The following TSPAN18 variants were observed in gnomAD, a reference collection of about 807,000 sequenced individuals.
The protein encoded by TSPAN18 is tetraspanin 18.
A neutral mutation model predicts 27.3 loss-of-function variants in TSPAN18; 14 were observed. The observed-to-expected ratio is 0.51, with a 90% CI of 0.34 to 0.80. The LOEUF (loss-of-function observed/expected upper bound fraction) is 0.80, where lower values mean the gene tolerates loss of function less well. Ranked by LOEUF, TSPAN18 falls within the 30% of genes least tolerant of loss-of-function variation. The pLI is 0.01. For missense variants in TSPAN18, 268 were observed against 323.9 expected, an observed-to-expected ratio of 0.83 and a Z score of 1.32; for synonymous variants, 143 against 136.5, an observed-to-expected ratio of 1.05 and a Z score of -0.33.
chr11:44,909,234 G>C lies in TSPAN18; in HGVS notation c.64-471G>C, dbSNP rs375974698. Among the ~76,000 whole-genome samples the C allele has an allele frequency of 1.6e-4, 25 of 152,300 alleles. No individual in the cohort carries two copies. In the East Asian group the frequency reaches 4.6e-3, roughly 28 times the overall value. On this transcript the variant is annotated intron_variant, in intron 4 of 9. Coordinates refer to ENST00000520358, the MANE Select transcript of TSPAN18 (RefSeq NM_130783.5). ...AAACACAGCATAGGGCTGACTCAGA[G>C]CATGTTCATGGACCTTTGTTTAGGG...
At chr11:44,762,294 C>G (rs1380604572) in intron 1 of TSPAN18, among the ~76,000 whole-genome samples, 1 of 152,180 alleles carries the variant, frequency 6.6e-6, no homozygotes, top group Admixed American at 6.5e-5. Context: ...GGATACTGTG[C>G]AGCTATGAAA....
chr11:44,790,363 G>A (rs1288050573), intron 2 of TSPAN18, among the ~76,000 whole-genome samples: 21 of 149,606 alleles, frequency 1.4e-4, no homozygotes, highest in Admixed American at 1.4e-3. Context: ...GTGTGGGTGC[G>A]TGCATGTTTG....
intron 2 of TSPAN18, among the ~76,000 whole-genome samples, chr11:44,824,753 T>C (rs1856999509): frequency 6.6e-6 from 1 of 152,114 alleles, no homozygotes; most frequent in Admixed American, 6.5e-5. Flanking sequence ...GGGTTTTAAT[T>C]GTGGCTGTTA....
chr11:44,879,476 A>G (rs560189936), intron 3 of TSPAN18, among the ~76,000 whole-genome samples: 11 of 152,356 alleles, frequency 7.2e-5, no homozygotes, highest in African/African-American at 2.4e-4. Context: ...AGAGGGGCTT[A>G]GGGAAGGTCT....
At chr11:44,822,865 G>A (rs1376956383) in intron 2 of TSPAN18, among the ~76,000 whole-genome samples, 3 of 152,192 alleles carry the variant, frequency 2.0e-5, no homozygotes, top group African/African-American at 4.8e-5. Context: ...GCTAAACCAA[G>A]TTAAGGGAAT....
intron 1 of TSPAN18, among the ~76,000 whole-genome samples, chr11:44,753,931 C>A (rs376664127): frequency 6.3e-4 from 96 of 152,304 alleles, no homozygotes; most frequent in African/African-American, 2.3e-3. Context: ...ACCAGTCATG[C>A]GTCTTTTCAC....
chr11:44,920,933 TGAGG>T (rs1218814637), intron 8 of TSPAN18, among the ~76,000 whole-genome samples: 1 of 152,180 alleles, frequency 6.6e-6, no homozygotes, highest in African/African-American at 2.4e-5. Context: ...TAAAACCAGA[TGAGG>T]GGCTAGAATG....
At chr11:44,883,793 GGA>G (rs1308051370) in intron 3 of TSPAN18, among the ~76,000 whole-genome samples, 34 of 152,246 alleles carry the variant, frequency 2.2e-4, no homozygotes, top group Non-Finnish European at 4.1e-4. Context: ...CCCGGATGCT[GGA>G]GAGACTGCCT....
At chr11:44,760,904 A>T (rs1171463390) in intron 1 of TSPAN18, among the ~76,000 whole-genome samples, 1 of 152,142 alleles carries the variant, frequency 6.6e-6, no homozygotes, top group African/African-American at 2.4e-5. Context: ...TCTTAGAAGT[A>T]CTTAAAATTA....
chr11:44,906,852 T>C (rs1378873184), intron 4 of TSPAN18, among the ~76,000 whole-genome samples: 3 of 152,098 alleles, frequency 2.0e-5, no homozygotes, highest in Non-Finnish European at 4.4e-5. Flanking sequence ...CCCTGAGCAG[T>C]TGACGGACTT....
In TSPAN18 at chr11:44,753,198, G is replaced by A. The variant is rs145011238; in HGVS notation, c.-239-11228G>A. The stretch of plus-strand genomic sequence containing the variant: ...GGCTGGAGTGCAGTGGTGCCATCTC[G>A]GCTCACTGCAACCTCCGACTCCCTG... On this transcript the variant is annotated intron_variant, in intron 1 of 9. Coordinates refer to ENST00000520358, the MANE Select transcript of TSPAN18 (RefSeq NM_130783.5). 6.5e-3 allele frequency among the ~76,000 whole-genome samples: 982 copies of A among 151,966 alleles called. 9 individuals carry two copies. The highest frequency in any genetic ancestry group is 0.021 in the East Asian group (109 of 5,142).
intron 3 of TSPAN18, among the ~76,000 whole-genome samples, chr11:44,904,275 C>T (rs915775293): frequency 6.6e-6 from 1 of 152,226 alleles, no homozygotes; most frequent in Non-Finnish European, 1.5e-5. Context: ...TGAGTGGCCC[C>T]GCCTGTGCCT....
chr11:44,793,985 G>A (rs932279587), intron 2 of TSPAN18, among the ~76,000 whole-genome samples: 1 of 152,172 alleles, frequency 6.6e-6, no homozygotes, highest in African/African-American at 2.4e-5. Flanking sequence ...ACAGGGGGGT[G>A]GGGGGAGTTA....
chr11:44,902,279 T>A (rs905463046), intron 3 of TSPAN18, among the ~76,000 whole-genome samples: 4 of 152,244 alleles, frequency 2.6e-5, no homozygotes, highest in African/African-American at 7.2e-5. Flanking sequence ...CTAAGTCACT[T>A]GCCCAAAGAC....
chr11:44,908,674 C>T (rs1276370355), intron 4 of TSPAN18, among the ~76,000 whole-genome samples: 3 of 149,882 alleles, frequency 2.0e-5, no homozygotes, highest in African/African-American at 7.4e-5. Context: ...GTCAAGGCTG[C>T]AGTGAGATGT....
chr11:44,773,968 G>A (rs1314139039), intron 2 of TSPAN18, among the ~76,000 whole-genome samples: 1 of 152,098 alleles, frequency 6.6e-6, no homozygotes, highest in Non-Finnish European at 1.5e-5. Flanking sequence ...CTCCCTCCCG[G>A]TCCTGTGCTC....
At chr11:44,824,992 C>T (rs1227691361) in intron 2 of TSPAN18, among the ~76,000 whole-genome samples, 1 of 152,188 alleles carries the variant, frequency 6.6e-6, no homozygotes, top group Non-Finnish European at 1.5e-5. Flanking sequence ...TAAACCCATC[C>T]TCCCAGTTCA....
chr11:44,830,711 C>CA (rs1857135818), intron 2 of TSPAN18, among the ~76,000 whole-genome samples: 2 of 152,162 alleles, frequency 1.3e-5, no homozygotes, highest in Admixed American at 1.3e-4. Context: ...AACAAACAAG[C>CA]AAATCAGCAG....
chr11:44,781,622 A>G (rs749535043), intron 2 of TSPAN18, among the ~76,000 whole-genome samples: 3 of 152,188 alleles, frequency 2.0e-5, no homozygotes, highest in African/African-American at 7.2e-5. Context: ...GTAACAACCC[A>G]GGACTCTGGA....
Sources: gnomAD v4.1 joint callset for allele counts (sites outside exome capture counted in the v4.1 genomes callset) on GRCh38, gnomAD v4.1.1 for gene constraint, MANE v1.5 for transcripts, NCBI Gene and HGNC (gene_info 2026-07-23, HGNC 2026-07-21) for gene names.